The following CHLSN variants were observed in gnomAD, a reference collection of about 807,000 sequenced individuals.
CHLSN encodes the protein cholesin, also known as protein cholesin.
At chr7:1,001,494 C>T in the CHLSN span, among the ~76,000 whole-genome samples, 1,546 of 56,134 alleles carry the variant, frequency 0.028, 60 homozygotes, top group African/African-American at 0.11. Flanking sequence ...TGGAGTCCTG[C>T]GGGTGAGTGG....
chr7:1,039,303 C>T, the CHLSN span, among the ~76,000 whole-genome samples: 37 of 36,714 alleles, frequency 1.0e-3, no homozygotes, highest in South Asian at 0.011. Flanking sequence ...TCTGCCCGGC[C>T]GCCCCTACTG....
chr7:988,104 T>C, the CHLSN span, among the ~76,000 whole-genome samples: 1 of 152,090 alleles, frequency 6.6e-6, no homozygotes, highest in East Asian at 1.9e-4. Flanking sequence ...CCCCTGGCTG[T>C]GTGCCCTGGG....
At chr7:1,101,283 C>T in the CHLSN span, among the ~76,000 whole-genome samples, 32,999 of 152,188 alleles carry the variant, frequency 0.22, 3,793 homozygotes, top group African/African-American at 0.23. Context: ...GCCAAAGGCA[C>T]GCAGAACAAA....
At chr7:1,014,133 T>C in the CHLSN span, among the ~76,000 whole-genome samples, 3 of 152,088 alleles carry the variant, frequency 2.0e-5, no homozygotes, top group Non-Finnish European at 4.4e-5. Flanking sequence ...CATCAGGCAA[T>C]GAAAATGTTC....
the CHLSN span, among the ~76,000 whole-genome samples, chr7:1,013,181 C>T: frequency 1.3e-5 from 2 of 152,232 alleles, no homozygotes; most frequent in African/African-American, 4.8e-5. Context: ...GGCTGTCACC[C>T]ACAGACGAGC....
chr7:1,000,560 A>G, the CHLSN span: 2 of 1,599,812 alleles, frequency 1.3e-6, no homozygotes, highest in South Asian at 1.1e-5. Context: ...ATCTAGGGAA[A>G]GAAAGACAAA....
At chr7:1,045,651 C>G in the CHLSN span, 1 of 152,266 alleles carries the variant, frequency 6.6e-6, no homozygotes, top group African/African-American at 2.4e-5. Flanking sequence ...GAAGTGCACA[C>G]TCACAGTACC....
chr7:980,055 T>C, the CHLSN span, among the ~76,000 whole-genome samples: 1 of 152,206 alleles, frequency 6.6e-6, no homozygotes, highest in East Asian at 1.9e-4. Context: ...CAAGCCCTCC[T>C]GTGGAGGGAG....
At chr7:1,034,836 CCTT>C in the CHLSN span, among the ~76,000 whole-genome samples, 467 of 149,358 alleles carry the variant, frequency 3.1e-3, 5 homozygotes, top group African/African-American at 0.01. Context: ...TCTGTTGTTC[CCTT>C]CTTTGTGCTC....
chr7:1,078,349 TG>T, the CHLSN span, among the ~76,000 whole-genome samples: 34,708 of 146,404 alleles, frequency 0.24, 4,208 homozygotes, highest in Middle Eastern at 0.37. Flanking sequence ...AGCTGCGGGG[TG>T]GGGGGGGGCT....
chr7:1,097,392 C>G, the CHLSN span, among the ~76,000 whole-genome samples: 4 of 152,154 alleles, frequency 2.6e-5, no homozygotes, highest in Admixed American at 1.3e-4. The surrounding 1 kb of genome is among the most constrained non-coding windows in gnomAD (Gnocchi z 4.3). Flanking sequence ...GCTGGGACAA[C>G]GTGAGCAGTA....
the CHLSN span, chr7:983,307 C>T: frequency 6.5e-7 from 1 of 1,541,752 alleles, no homozygotes; most frequent in Non-Finnish European, 8.7e-7. Flanking sequence ...CCCGGTGGCC[C>T]CCGGGGCCTC....
the CHLSN span, among the ~76,000 whole-genome samples, chr7:1,054,052 C>T: frequency 6.6e-6 from 1 of 152,174 alleles, no homozygotes; most frequent in South Asian, 2.1e-4. Flanking sequence ...GCCTTCCTTC[C>T]ATGCCTCTCA....
the CHLSN span, among the ~76,000 whole-genome samples, chr7:980,177 GGTCT>G: frequency 6.6e-6 from 1 of 152,230 alleles, no homozygotes; most frequent in Non-Finnish European, 1.5e-5. Context: ...TTTGGAACCA[GGTCT>G]GTCTGACTCC....
chr7:1,070,505 A>G, the CHLSN span, among the ~76,000 whole-genome samples: 1 of 150,606 alleles, frequency 6.6e-6, no homozygotes. Context: ...ATGCACGCGC[A>G]CACATGCACA....
chr7:1,117,409 T>C, the CHLSN span, among the ~76,000 whole-genome samples: 43 of 103,142 alleles, frequency 4.2e-4, no homozygotes, highest in South Asian at 1.3e-3. Flanking sequence ...CAGGATGACA[T>C]CACTGCAGTT....
the CHLSN span, among the ~76,000 whole-genome samples, chr7:1,050,651 C>T: frequency 6.6e-6 from 1 of 152,224 alleles, no homozygotes; most frequent in Non-Finnish European, 1.5e-5. Context: ...TGGAACGCCG[C>T]AGCCTAGGAA....
chr7:1,018,169 C>T, the CHLSN span, among the ~76,000 whole-genome samples: 1 of 152,314 alleles, frequency 6.6e-6, no homozygotes, highest in Admixed American at 6.5e-5. Context: ...TCCCACCAGG[C>T]AGGAAGCACA....
the CHLSN span, among the ~76,000 whole-genome samples, chr7:1,136,411 CATAT>C: frequency 3.5e-3 from 110 of 30,990 alleles, 4 homozygotes; most frequent in Middle Eastern, 0.033. Context: ...TATATATAAA[CATAT>C]ATATAAATAT....
Sources: allele counts gnomAD v4.1 joint callset (sites outside exome capture counted in the v4.1 genomes callset), GRCh38; gene constraint gnomAD v4.1.1; non-coding constraint Gnocchi (gnomAD v3.1); transcripts MANE v1.5; gene names NCBI Gene and HGNC (gene_info 2026-07-23, HGNC 2026-07-21).